The following KCNT2 variants were observed in gnomAD, a reference collection of about 807,000 sequenced individuals.
KCNT2 encodes the protein potassium channel subfamily T member 2.
Under a neutral mutation model 153.8 loss-of-function variants are expected in KCNT2, and 67 were observed. The ratio of observed to expected loss-of-function variants is 0.44; its 90% CI spans 0.36 to 0.53. The LOEUF is 0.53. Among genes scored for constraint, KCNT2 ranks in the 20% least tolerant of loss-of-function variants. The probability of loss-of-function intolerance (pLI) is 0.00; values close to 1 mark genes in which losing one functional copy is unlikely to be tolerated. For missense variants in KCNT2, 975 were observed against 1,354.8 expected (o/e 0.72, Z 4.40); for synonymous variants, 500 against 458.8 (o/e 1.09, Z -1.15).
At chr1:196,281,741 A>C (rs1242556368) in intron 24 of KCNT2, among the ~76,000 whole-genome samples, 1 of 151,154 alleles carries the variant, frequency 6.6e-6, no homozygotes, top group Non-Finnish European at 1.5e-5. Context: ...GCCAGTTAAC[A>C]AAAAAAAATT....
At chr1:196,297,149 T>C (rs1004769330) in intron 22 of KCNT2, among the ~76,000 whole-genome samples, 13 of 152,068 alleles carry the variant, frequency 8.5e-5, no homozygotes, top group African/African-American at 3.1e-4. Context: ...TGTGTGTGTG[T>C]GTGTGCATAT....
intron 14 of KCNT2, among the ~76,000 whole-genome samples, chr1:196,358,939 A>G (rs1306727658): frequency 6.6e-6 from 1 of 151,992 alleles, no homozygotes; most frequent in Non-Finnish European, 1.5e-5. Flanking sequence ...AGGTTTTACC[A>G]TATAGAAAGC....
At chr1:196,569,606 T>G (rs1660524572) in intron 1 of KCNT2, among the ~76,000 whole-genome samples, 1 of 152,176 alleles carries the variant, frequency 6.6e-6, no homozygotes, top group Admixed American at 6.5e-5. Flanking sequence ...TTGGAACAAC[T>G]TACTGCTATA....
chr1:196,476,654 A>G (rs1056159049), intron 5 of KCNT2, among the ~76,000 whole-genome samples: 1 of 152,186 alleles, frequency 6.6e-6, no homozygotes, highest in East Asian at 1.9e-4. Context: ...CCAAAAGACA[A>G]TGGAGACTTT....
chr1:196,429,757 G>A lies in KCNT2; in HGVS notation c.639C>T (p.Cys213=), dbSNP rs1346207640. 6 of 1,585,792 alleles carry A rather than the reference G, an allele frequency of 3.8e-6. No individual in the cohort carries two copies. The highest frequency in any genetic ancestry group is 1.8e-5 in the Admixed American group (1 of 54,468). Residue 213 remains cysteine (C), a splice_region_variant and synonymous_variant, in exon 9 of 28, where the codon TGC becomes TGT. Coordinates refer to ENST00000294725, the MANE Select transcript of KCNT2 (RefSeq NM_198503.5). ...ISTLLCLIFT[C]ICGIQHLERI... is the part of the protein sequence containing the mutation. Reference sequence around the variant, plus strand: ...GTTCCAGATGTTGGATCCCACAAATGCTAAAGAAACAAATATGCATTACAA... The same window carrying A: ...GTTCCAGATGTTGGATCCCACAAATACTAAAGAAACAAATATGCATTACAA...
intron 1 of KCNT2, among the ~76,000 whole-genome samples, chr1:196,547,062 C>A (rs1423748316): frequency 6.6e-6 from 1 of 151,882 alleles, no homozygotes; most frequent in African/African-American, 2.4e-5. Context: ...GAGCTATATA[C>A]CCATGGGATT....
chr1:196,342,951 C>A (rs1665809570), intron 14 of KCNT2: 1 of 151,938 alleles, frequency 6.6e-6, no homozygotes, highest in South Asian at 2.1e-4. Flanking sequence ...GAGAGTGGAG[C>A]CCTCAGGAAT....
chr1:196,454,016 C>A (rs886880914), intron 8 of KCNT2, among the ~76,000 whole-genome samples: 3 of 151,614 alleles, frequency 2.0e-5, no homozygotes, highest in African/African-American at 7.3e-5. Flanking sequence ...TTATTCTTCC[C>A]TGTGTATTTT....
chr1:196,511,116 A>C (rs1572686771), intron 1 of KCNT2, among the ~76,000 whole-genome samples: 1 of 146,468 alleles, frequency 6.8e-6, no homozygotes, highest in African/African-American at 2.6e-5. Flanking sequence ...AAACACACAC[A>C]ACACACACAC....
intron 13 of KCNT2, among the ~76,000 whole-genome samples, chr1:196,374,348 T>C (rs1458098174): frequency 6.6e-6 from 1 of 151,872 alleles, no homozygotes; most frequent in African/African-American, 2.4e-5. Flanking sequence ...GGACAAACAT[T>C]GACTTTCGTT....
intron 8 of KCNT2, among the ~76,000 whole-genome samples, chr1:196,440,772 CT>C (rs2148586192): frequency 6.6e-6 from 1 of 151,782 alleles, no homozygotes; most frequent in East Asian, 2.0e-4. Context: ...TTCTCCATCT[CT>C]ACCCTTCATC....
chr1:196,563,022 TA>T (rs1248457182), intron 1 of KCNT2, among the ~76,000 whole-genome samples: 1 of 151,950 alleles, frequency 6.6e-6, no homozygotes, highest in Non-Finnish European at 1.5e-5. Context: ...TTGAGGTTTC[TA>T]ACATCCAGGA....
intron 8 of KCNT2, among the ~76,000 whole-genome samples, chr1:196,437,585 T>C (rs10922068): frequency 0.54 from 79,863 of 149,104 alleles, 22,192 homozygotes; most frequent in Middle Eastern, 0.72. Flanking sequence ...GCTTAGTTAA[T>C]ACATATCAAA....
At chr1:196,505,446 T>C (rs1467124373) in intron 1 of KCNT2, among the ~76,000 whole-genome samples, 14 of 151,596 alleles carry the variant, frequency 9.2e-5, no homozygotes, top group Non-Finnish European at 1.5e-4. Context: ...GATCTATATC[T>C]CTGTTTTGGT....
At chr1:196,336,531 C>T (rs1665053310) in intron 16 of KCNT2, among the ~76,000 whole-genome samples, 1 of 152,140 alleles carries the variant, frequency 6.6e-6, no homozygotes, top group East Asian at 1.9e-4. Context: ...CTTGCTTGTA[C>T]TTTCAACACA....
chr1:196,380,717 A>C (rs1034116424), intron 13 of KCNT2, among the ~76,000 whole-genome samples: 18 of 152,308 alleles, frequency 1.2e-4, no homozygotes, highest in Admixed American at 1.0e-3. Context: ...CAACTGATTA[A>C]ATTGCATTAT....
chr1:196,417,246 C>T (rs16839905), intron 12 of KCNT2, among the ~76,000 whole-genome samples: 8,753 of 152,128 alleles, frequency 0.058, 387 homozygotes, highest in Non-Finnish European at 0.085. Flanking sequence ...CATGTTTATA[C>T]TGACATCTCA....
intron 22 of KCNT2, among the ~76,000 whole-genome samples, chr1:196,286,617 T>TCATA (rs1659680894): frequency 1.4e-5 from 2 of 143,180 alleles, no homozygotes; most frequent in African/African-American, 5.7e-5. Flanking sequence ...CTTCTGTATA[T>TCATA]CACACACACA....
chr1:196,481,853 A>G (rs557371111), intron 4 of KCNT2, among the ~76,000 whole-genome samples: 4 of 152,152 alleles, frequency 2.6e-5, no homozygotes, highest in Non-Finnish European at 4.4e-5. Context: ...TATTTACATG[A>G]TTAATTGCTT....
Sources: gnomAD v4.1 joint callset for allele counts (sites outside exome capture counted in the v4.1 genomes callset) on GRCh38, gnomAD v4.1.1 for gene constraint, MANE v1.5 for transcripts, NCBI Gene and HGNC (gene_info 2026-07-23, HGNC 2026-07-21) for gene names.